Variants in MARCHF1 observed in about 807,000 individuals in gnomAD.
MARCHF1 encodes membrane associated ring-CH-type finger 1.
A neutral mutation model predicts 54.2 loss-of-function variants in MARCHF1; 40 were observed. The ratio of observed to expected loss-of-function variants is 0.74; its 90% CI spans 0.57 to 0.96. The LOEUF is 0.96. Ranked by LOEUF, MARCHF1 falls within the 40% of genes least tolerant of loss-of-function variation. MARCHF1 has a pLI of 0.00. For synonymous variants in MARCHF1, 236 were observed against 236.3 expected (o/e 1.00, Z 0.01); for missense variants, 586 against 656.5 (o/e 0.89, Z 1.17).
intron 1 of MARCHF1, among the ~76,000 whole-genome samples, chr4:164,339,542 T>C (rs907532799): frequency 6.6e-6 from 1 of 152,024 alleles, no homozygotes; most frequent in African/African-American, 2.4e-5. Flanking sequence ...TAAAACAACA[T>C]ATCAAAACTT....
intron 1 of MARCHF1, among the ~76,000 whole-genome samples, chr4:164,375,182 T>C (rs929451259): frequency 1.3e-5 from 2 of 152,170 alleles, no homozygotes; most frequent in Admixed American, 6.5e-5. Context: ...TAAATGTGGC[T>C]ATGTGCTATG....
At chr4:163,785,537 G>T (rs1001229981) in intron 4 of MARCHF1, among the ~76,000 whole-genome samples, 2 of 151,742 alleles carry the variant, frequency 1.3e-5, no homozygotes, top group Non-Finnish European at 2.9e-5. Context: ...TCAATCTCAA[G>T]AAAAATTTAC....
chr4:164,332,159 C>T (rs1481276048), intron 1 of MARCHF1, among the ~76,000 whole-genome samples: 4 of 152,248 alleles, frequency 2.6e-5, no homozygotes, highest in African/African-American at 9.6e-5. Flanking sequence ...GAATAATGGG[C>T]TAGAACCTGC....
intron 3 of MARCHF1, among the ~76,000 whole-genome samples, chr4:163,865,493 T>C (rs1233761291): frequency 6.6e-6 from 1 of 151,704 alleles, no homozygotes; most frequent in Non-Finnish European, 1.5e-5. Flanking sequence ...TGCATAAACA[T>C]TTCTAAAATA....
chr4:163,678,297 T>G (rs1324462273), intron 5 of MARCHF1, among the ~76,000 whole-genome samples: 1 of 152,176 alleles, frequency 6.6e-6, no homozygotes, highest in Non-Finnish European at 1.5e-5. Context: ...CCCAGGAAAG[T>G]GGATGGTATA....
chr4:163,567,238 TA>T (rs532744586), intron 8 of MARCHF1, among the ~76,000 whole-genome samples: 282 of 151,528 alleles, frequency 1.9e-3, no homozygotes, highest in Non-Finnish European at 3.6e-3. Context: ...AATTCTATAT[TA>T]AAAAAAAAGA....
chr4:163,738,999 T>C (rs367760904), intron 4 of MARCHF1, among the ~76,000 whole-genome samples: 1 of 152,230 alleles, frequency 6.6e-6, no homozygotes, highest in Admixed American at 6.5e-5. Flanking sequence ...GAAGATTTTA[T>C]TCTTTTTGTC....
At chr4:163,601,388 A>G (rs1560967277) in intron 7 of MARCHF1, among the ~76,000 whole-genome samples, 1 of 105,722 alleles carries the variant, frequency 9.5e-6, no homozygotes, top group Non-Finnish European at 2.1e-5. Context: ...GTGAGAAAAG[A>G]AAGAAAGTGT....
chr4:163,902,009 C>T (rs10050329), intron 3 of MARCHF1, among the ~76,000 whole-genome samples: 151,580 of 152,332 alleles, frequency 1, 75,417 homozygotes, highest in Middle Eastern at 1. Flanking sequence ...AACAAGAAAA[C>T]GGTGCCTGTG....
chr4:164,106,869 C>T (rs113924601), intron 2 of MARCHF1, among the ~76,000 whole-genome samples: 5 of 151,766 alleles, frequency 3.3e-5, no homozygotes, highest in East Asian at 1.9e-4. Flanking sequence ...AGAATGCTGT[C>T]ATAATCACTT....
intron 3 of MARCHF1, among the ~76,000 whole-genome samples, chr4:163,883,679 A>G (rs1278501722): frequency 6.6e-6 from 1 of 152,206 alleles, no homozygotes; most frequent in Non-Finnish European, 1.5e-5. Context: ...TAGTGTAAGT[A>G]TGACTCAAAT....
Position 163,939,618 on chromosome 4 carries a change from A to G in MARCHF1, c.-39+48883T>C, listed in dbSNP as rs190444351. 1.2e-4 allele frequency among the ~76,000 whole-genome samples: 18 copies of G among 152,234 alleles called. No homozygotes were observed. In the East Asian group the frequency reaches 2.7e-3, roughly 23 times the overall value. ...TCTACATATCTGACCATCAAACCAAATGTTAGCAACTAATGACAAATATGT... is the reference window on the plus strand; with the variant it reads ...TCTACATATCTGACCATCAAACCAAGTGTTAGCAACTAATGACAAATATGT... On this transcript the variant is annotated intron_variant, in intron 3 of 9. Coordinates refer to ENST00000514618, the MANE Select transcript of MARCHF1 (RefSeq NM_001394959.1).
Position 163,581,849 on chromosome 4 carries a change from A to G in MARCHF1, c.1191+3900T>C, listed in dbSNP as rs546110756. ...ACAAAAATGGTGCATATGGCTCAAC[A>G]TAAGCATTACTAAAGCAAAGATAAT... On this transcript the variant is annotated intron_variant, in intron 8 of 9. Coordinates refer to ENST00000514618, the MANE Select transcript of MARCHF1 (RefSeq NM_001394959.1). Among the ~76,000 whole-genome samples the G allele has an allele frequency of 2.6e-5, 4 of 152,342 alleles. No individual in the cohort carries two copies. In the East Asian group the frequency reaches 7.7e-4, roughly 29 times the overall value.
chr4:163,817,294 TATAC>T (rs750389044), intron 4 of MARCHF1, among the ~76,000 whole-genome samples: 21 of 152,168 alleles, frequency 1.4e-4, no homozygotes, highest in Middle Eastern at 3.4e-3. Flanking sequence ...TGTGTATACA[TATAC>T]ATACATACAT....
intron 2 of MARCHF1, among the ~76,000 whole-genome samples, chr4:164,005,942 C>G (rs889132771): frequency 6.6e-6 from 1 of 151,906 alleles, no homozygotes; most frequent in African/African-American, 2.4e-5. Context: ...AGATAGTGAC[C>G]AAGCAATAAA....
chr4:164,326,678 T>C (rs72690044), intron 1 of MARCHF1, among the ~76,000 whole-genome samples: 1,988 of 152,312 alleles, frequency 0.013, 25 homozygotes, highest in Non-Finnish European at 0.02. Flanking sequence ...GTTTATGAAG[T>C]TGTATTTATA....
intron 1 of MARCHF1, among the ~76,000 whole-genome samples, chr4:164,226,163 T>C (rs186601902): frequency 1.3e-5 from 2 of 152,100 alleles, no homozygotes; most frequent in Admixed American, 6.6e-5. Flanking sequence ...ACATTAAGAA[T>C]AAAAGAAGCC....
chr4:164,254,093 C>A (rs920239818), intron 1 of MARCHF1, among the ~76,000 whole-genome samples: 5 of 152,024 alleles, frequency 3.3e-5, no homozygotes, highest in African/African-American at 1.2e-4. Context: ...GTTGATCATA[C>A]AAGTCTATAT....
chr4:163,809,490 G>A (rs75398317), intron 4 of MARCHF1, among the ~76,000 whole-genome samples: 7,454 of 152,130 alleles, frequency 0.049, 223 homozygotes, highest in East Asian at 0.081. Context: ...TTTCCACAAG[G>A]ATTGAAAATG....
Sources: gnomAD v4.1 joint callset for allele counts (sites outside exome capture counted in the v4.1 genomes callset) on GRCh38, gnomAD v4.1.1 for gene constraint, MANE v1.5 for transcripts, NCBI Gene and HGNC (gene_info 2026-07-23, HGNC 2026-07-21) for gene names.